ARSG: variants seen among roughly 807,000 people sequenced by gnomAD.
The protein encoded by ARSG is arylsulfatase G.
ARSG carries 37 observed loss-of-function variants against 50.5 expected under a neutral mutation model. That is an observed-to-expected ratio of 0.73 (90% CI 0.56 to 0.96). The LOEUF (loss-of-function observed/expected upper bound fraction) is 0.96, where lower values mean the gene tolerates loss of function less well. Ranked by LOEUF, ARSG falls within the 50% of genes least tolerant of loss-of-function variation. The pLI is 0.00. For synonymous variants in ARSG, 225 were observed against 254.6 expected (o/e 0.88, Z 1.11); for missense variants, 629 against 675.3 (o/e 0.93, Z 0.76).
rs145599183 is a variant in ARSG at position 68,362,263 on chromosome 17, C to T, written c.704+5459C>T. 4.6e-5 allele frequency among the ~76,000 whole-genome samples: 7 copies of T among 152,020 alleles called. No homozygotes were observed. The East Asian group carries it at 7.7e-4, about 17-fold the overall frequency. On this transcript the variant is annotated intron_variant, in intron 6 of 11. Transcript: ENST00000621439. ...TCTTGCCTCTCACCCGGCTCCCACC[C>T]GACACCAACCTATGTCAGGGATCCA...
chr17:68,398,525 A>G (rs1440479902), intron 10 of ARSG, among the ~76,000 whole-genome samples: 1 of 152,220 alleles, frequency 6.6e-6, no homozygotes, highest in African/African-American at 2.4e-5. Flanking sequence ...CCTCAGATAC[A>G]TCCTGGGCTT....
chr17:68,293,690 A>G (rs180678833), intron 1 of ARSG, among the ~76,000 whole-genome samples: 1 of 152,298 alleles, frequency 6.6e-6, no homozygotes, highest in Admixed American at 6.5e-5. Flanking sequence ...AGATGAGGAA[A>G]GTGGAGGCAC....
intron 1 of ARSG, among the ~76,000 whole-genome samples, chr17:68,285,945 G>C (rs1235309307): frequency 6.6e-6 from 1 of 152,080 alleles, no homozygotes; most frequent in Admixed American, 6.6e-5. Context: ...ATTTTTAGTA[G>C]AGACAGGGTT....
chr17:68,402,593 T>A (rs534695383), intron 11 of ARSG, among the ~76,000 whole-genome samples: 1 of 152,016 alleles, frequency 6.6e-6, no homozygotes, highest in Non-Finnish European at 1.5e-5. Context: ...GGCGTGATCT[T>A]GGCTCACTGC....
At chr17:68,343,039 G>A (rs1357442907) in intron 2 of ARSG, among the ~76,000 whole-genome samples, 2 of 152,230 alleles carry the variant, frequency 1.3e-5, no homozygotes, top group South Asian at 2.1e-4. Flanking sequence ...GAATAAATAA[G>A]ATTGAATTTG....
At chr17:68,308,450 G>C (rs1156278085) in intron 2 of ARSG, among the ~76,000 whole-genome samples, 1 of 152,110 alleles carries the variant, frequency 6.6e-6, no homozygotes, top group Non-Finnish European at 1.5e-5. Context: ...GTCTGGAGTT[G>C]TTCGTTCCTC....
chr17:68,388,530 G>C (rs2147062316), intron 9 of ARSG, among the ~76,000 whole-genome samples: 1 of 152,274 alleles, frequency 6.6e-6, no homozygotes, highest in South Asian at 2.1e-4. Context: ...TGAGCTGGGA[G>C]ACCCCTACCT....
At chr17:68,418,284 G>A (rs1462290189) in intron 11 of ARSG, among the ~76,000 whole-genome samples, 1 of 152,172 alleles carries the variant, frequency 6.6e-6, no homozygotes, top group Non-Finnish European at 1.5e-5. Context: ...TTTACACTTT[G>A]TTAGGACGAG....
chr17:68,275,144 G>A (rs782804308), intron 1 of ARSG, among the ~76,000 whole-genome samples: 5 of 152,186 alleles, frequency 3.3e-5, no homozygotes, highest in African/African-American at 9.7e-5. Flanking sequence ...AAGGAGAGTT[G>A]CTATGGGATA....
rs143133373 is a variant in ARSG, at chr17:68,362,671, G to A, written c.704+5867G>A. ...TGGACTATTTGCATTATACTTAACC[G>A]GCTGAGCATCCCTAATCCTCCCATG... On this transcript the variant is annotated intron_variant, in intron 6 of 11. Transcript: ENST00000621439. Among the ~76,000 whole-genome samples the A allele has an allele frequency of 1.6e-4, 24 of 152,204 alleles. No homozygotes were observed. In the East Asian group the frequency reaches 3.5e-3, roughly 22 times the overall value.
chr17:68,413,609 A>C (rs1336390582), intron 11 of ARSG: 1 of 152,278 alleles, frequency 6.6e-6, no homozygotes, highest in East Asian at 1.9e-4. Flanking sequence ...CTACAGAGGC[A>C]GGCAGGCCTC....
intron 10 of ARSG, chr17:68,401,073 G>A: frequency 3.2e-6 from 1 of 311,266 alleles, no homozygotes; most frequent in Non-Finnish European, 6.0e-6. Flanking sequence ...ACCCAGGCTG[G>A]AGTGCAGTGG....
chr17:68,408,442 A>G (rs1042924464), intron 11 of ARSG, among the ~76,000 whole-genome samples: 2 of 151,718 alleles, frequency 1.3e-5, no homozygotes, highest in African/African-American at 4.8e-5. Flanking sequence ...TGTCCCTACA[A>G]AGGACATGAA....
chr17:68,294,745 A>G (rs377042937), intron 1 of ARSG, among the ~76,000 whole-genome samples: 170 of 152,228 alleles, frequency 1.1e-3, no homozygotes, highest in African/African-American at 3.7e-3. Flanking sequence ...TGCTTCTCCA[A>G]TTGGCCAGGA....
the ARSG span, among the ~76,000 whole-genome samples, chr17:68,428,002 C>A: frequency 2.8e-4 from 43 of 152,156 alleles, no homozygotes; most frequent in African/African-American, 9.2e-4. Context: ...GTGATCCCCC[C>A]ACCTCTGCCT....
chr17:68,329,271 G>A (rs141024184), intron 2 of ARSG, among the ~76,000 whole-genome samples: 124 of 152,344 alleles, frequency 8.1e-4, no homozygotes, highest in African/African-American at 2.5e-3. Context: ...CTGGCTGGAC[G>A]GGAGAGAGCT....
chr17:68,272,487 T>A, intron 1 of ARSG: 1 of 893,770 alleles, frequency 1.1e-6, no homozygotes, highest in South Asian at 1.8e-5. Context: ...GGAGGACAGA[T>A]CCTAAAAATG....
chr17:68,283,724 C>CA (rs1309988287), intron 1 of ARSG, among the ~76,000 whole-genome samples: 1 of 146,548 alleles, frequency 6.8e-6, no homozygotes, highest in Non-Finnish European at 1.5e-5. Flanking sequence ...AAAAAAAATA[C>CA]AAAATTAGCC....
downstream of ARSG, among the ~76,000 whole-genome samples, chr17:68,424,291 G>A (rs375520837): frequency 5.3e-5 from 8 of 152,218 alleles, no homozygotes; most frequent in African/African-American, 1.2e-4. Context: ...CTCACGCTGC[G>A]ACCGACCCGC....
Sources: allele counts gnomAD v4.1 joint callset (sites outside exome capture counted in the v4.1 genomes callset), GRCh38; gene constraint gnomAD v4.1.1; transcripts MANE v1.5; gene names NCBI Gene and HGNC (gene_info 2026-07-23, HGNC 2026-07-21).